The following ZC3H12A variants were observed in gnomAD, a reference collection of about 807,000 sequenced individuals.
The protein encoded by ZC3H12A is zinc finger CCCH-type containing 12A, also known as endoribonuclease ZC3H12A.
Under a neutral mutation model 29.9 loss-of-function variants are expected in ZC3H12A, and 9 were observed. That is an observed-to-expected ratio of 0.30 (90% CI 0.18 to 0.53). The LOEUF (loss-of-function observed/expected upper bound fraction) is 0.53. Ranked by LOEUF, ZC3H12A falls within the 20% of genes least tolerant of loss-of-function variation. The probability of loss-of-function intolerance (pLI) is 0.96; values close to 1 mark genes in which losing one functional copy is unlikely to be tolerated. For missense variants in ZC3H12A, 617 were observed against 799.0 expected (o/e 0.77, Z 2.75); for synonymous variants, 323 against 338.1 (o/e 0.96, Z 0.49).
Position 37,483,078 on chromosome 1 carries a change from C to A in ZC3H12A, c.1267C>A (p.Gln423Lys). The A allele has an allele frequency of 6.2e-7, 1 of 1,610,730 alleles. No individual in the cohort carries two copies. Among genetic ancestry groups the A allele is most frequent in the Non-Finnish European group, 8.5e-7 (1 of 1,178,856 alleles). ...CTTTGGGCCCACAGACTGGCTCCCA[C>A]AGACGCTGGACTCACTCCCGTACGT... The part of the protein sequence containing the change: ...SSFGPTDWLP[Q>K]TLDSLPYVSQ... Residue 423 changes from glutamine to lysine, a missense_variant, in exon 6 of 6, where the codon CAG becomes AAG. By Grantham distance (53) the Gln-to-Lys change is moderately conservative. Coordinates refer to ENST00000373087, the MANE Select transcript of ZC3H12A (RefSeq NM_025079.3).
rs1041431862 is a variant in ZC3H12A at position 37,478,405 on chromosome 1, T to G, written c.444-1885T>G. On this transcript the variant is annotated intron_variant, in intron 2 of 5. Transcript: ENST00000373087. The surrounding 1 kb of genome is among the most constrained non-coding windows in gnomAD (Gnocchi z 5.2). ...CCCAAATAAATTCTGGATCTTCTGTTAGAGACAGGAAGGCAACCGAGTGGC... is the reference window on the plus strand; with the variant it reads ...CCCAAATAAATTCTGGATCTTCTGTGAGAGACAGGAAGGCAACCGAGTGGC... Among the ~76,000 whole-genome samples, 7 of 152,220 alleles carry G rather than the reference T, an allele frequency of 4.6e-5. No homozygotes were observed. Among genetic ancestry groups the G allele is most frequent in the African/African-American group, 1.4e-4 (6 of 41,456 alleles).
Position 37,479,245 on chromosome 1 carries a change from CATCCCTCAGGA to C in ZC3H12A, c.444-1043_444-1033del. The C allele has an allele frequency of 1.0e-6, 1 of 985,360 alleles. No homozygotes were observed. Among genetic ancestry groups the C allele is most frequent in the Non-Finnish European group, 1.2e-6 (1 of 829,914 alleles). 61.0% of individuals were successfully genotyped at this position (985,360 alleles called of 1,614,324 possible). On this transcript the variant is annotated intron_variant, in intron 2 of 5. Transcript: ENST00000373087. This position sits in a 1 kb window ranked among gnomAD's most constrained non-coding sequence, Gnocchi z 4.5. ...CTGGGAGCCCCAAGCCCCAGTCCCC[CATCCCTCAGGA>C]AATCCAGTTGGAACCCCTACTTTGC...
chr1:37,475,474 G>C lies in ZC3H12A; in HGVS notation c.-23G>C, dbSNP rs748326879. ...GGTTGTTCAGTAGGAGCTGTGGCGCGGGGCCTTCCAGGAGTCTGAGCTATG... is the reference window on the plus strand; with the variant it reads ...GGTTGTTCAGTAGGAGCTGTGGCGCCGGGCCTTCCAGGAGTCTGAGCTATG... On this transcript the variant is annotated 5_prime_UTR_variant, in exon 2 of 6. Coordinates refer to ENST00000373087, the MANE Select transcript of ZC3H12A (RefSeq NM_025079.3). The surrounding 1 kb of genome is among the most constrained non-coding windows in gnomAD (Gnocchi z 5.2). 1 of 1,577,290 alleles carries C rather than the reference G, an allele frequency of 6.3e-7. No individual in the cohort carries two copies. Among genetic ancestry groups the C allele is most frequent in the Non-Finnish European group, 8.6e-7 (1 of 1,160,390 alleles).
intron 3 of ZC3H12A, 124 bp from the exon 4 acceptor site, chr1:37,481,476 GT>G: frequency 1.1e-6 from 1 of 877,412 alleles, no homozygotes; most frequent in South Asian, 1.6e-5. Context: ...AGCAGAGTTA[GT>G]TCTTGCCCCG....
At position 37,475,444 on chromosome 1, in the gene ZC3H12A, C is replaced by T; in HGVS notation, c.-38-15C>T. On this transcript the variant is annotated splice_polypyrimidine_tract_variant and intron_variant, in intron 1 of 5. Transcript: ENST00000373087. The surrounding 1 kb of genome is among the most constrained non-coding windows in gnomAD (Gnocchi z 5.2). ...AGAGCGCTATTCACCGTCCCTAACC[C>T]TGTTGGTTGTTCAGTAGGAGCTGTG... 6.5e-7 allele frequency: 1 copy of T among 1,544,896 alleles called. No individual in the cohort carries two copies. Among genetic ancestry groups the T allele is most frequent in the South Asian group, 1.2e-5 (1 of 81,560 alleles).
chr1:37,483,289 C>T lies in ZC3H12A; in HGVS notation c.1478C>T (p.Ala493Val). The change falls in exon 6 of 6, where the codon GCT becomes GTT. Residue 493 changes from alanine to valine, a missense_variant. This residue lies in a region of ZC3H12A where 172 missense variants were observed against 203.1 expected (regional missense o/e 0.85). Coordinates refer to ENST00000373087, the MANE Select transcript of ZC3H12A (RefSeq NM_025079.3). ...AFSAFGRAMG[A>V]GHFSVPADYP... Reference sequence around the variant, plus strand: ...TCTGCCTTTGGCCGGGCCATGGGTGCTGGCCACTTCAGTGTCCCTGCCGAC... The same window carrying T: ...TCTGCCTTTGGCCGGGCCATGGGTGTTGGCCACTTCAGTGTCCCTGCCGAC... The T allele has an allele frequency of 6.2e-7, 1 of 1,614,088 alleles. No homozygotes were observed. Among genetic ancestry groups the T allele is most frequent in the African/African-American group, 1.3e-5 (1 of 75,048 alleles).
At chr1:37,474,843 G>T (rs545289092) in intron 1 of ZC3H12A, among the ~76,000 whole-genome samples, 1 of 152,286 alleles carries the variant, frequency 6.6e-6, no homozygotes, top group South Asian at 2.1e-4. Flanking sequence ...AGAGCACCAG[G>T]TTCCTGATCG....
rs1289591571 is a variant in ZC3H12A at position 37,483,677 on chromosome 1, A to G, written c.*66A>G. ...GGGCCGTCAGGCTGGGCTTTGGGCCATTGAGCAGCCCATTCCCAGCCCTGA... is the reference window on the plus strand; with the variant it reads ...GGGCCGTCAGGCTGGGCTTTGGGCCGTTGAGCAGCCCATTCCCAGCCCTGA... On this transcript the variant is annotated 3_prime_UTR_variant, in exon 6 of 6. Coordinates refer to ENST00000373087, the MANE Select transcript of ZC3H12A (RefSeq NM_025079.3). 6.7e-7 allele frequency: 1 copy of G among 1,487,880 alleles called. No homozygotes were observed. The highest frequency in any genetic ancestry group is 8.9e-7 in the Non-Finnish European group (1 of 1,118,288). 92.2% of individuals were successfully genotyped at this position (1,487,880 alleles called of 1,614,324 possible).
Position 37,479,550 on chromosome 1 carries a change from G to A in ZC3H12A, c.444-740G>A. 6 of 985,424 alleles carry A rather than the reference G, an allele frequency of 6.1e-6. No individual in the cohort carries two copies. The highest frequency in any genetic ancestry group is 7.2e-6 in the Non-Finnish European group (6 of 829,938). 61.0% of individuals were successfully genotyped at this position (985,424 alleles called of 1,614,324 possible). A position where few individuals can be genotyped will look rare whatever the true frequency, so the allele number is the denominator to read the frequency against. On this transcript the variant is annotated intron_variant, in intron 2 of 5. Transcript: ENST00000373087. The surrounding 1 kb of genome is among the most constrained non-coding windows in gnomAD (Gnocchi z 4.5). ...GATGGTCTTTCTGCCTTGGGGTGAA[G>A]AGGCATTTGGGGGAATTGCCATCTT... is the stretch of plus-strand genomic sequence containing the variant.
chr1:37,484,253 C>G lies in ZC3H12A; in HGVS notation c.*642C>G, dbSNP rs945680781. On this transcript the variant is annotated 3_prime_UTR_variant, in exon 6 of 6. Transcript: ENST00000373087. ...CATCCTTTATTCAGAGTCATCTCGCCCTTCCCCATGGGTGGGGGAACCTGT... is the reference window on the plus strand; with the variant it reads ...CATCCTTTATTCAGAGTCATCTCGCGCTTCCCCATGGGTGGGGGAACCTGT... The G allele has an allele frequency of 2.0e-5, 3 of 152,286 alleles. No individual in the cohort carries two copies. The highest frequency in any genetic ancestry group is 7.2e-5 in the African/African-American group (3 of 41,414). The allele number at this position is 152,286 out of a possible 1,614,324, so 9.4% of individuals were successfully genotyped here.
At chr1:37,481,481 T>C in intron 3 of ZC3H12A, 120 bp from the exon 4 acceptor site, 1 of 913,646 alleles carries the variant, frequency 1.1e-6, no homozygotes, top group Non-Finnish European at 1.7e-6. Context: ...AGTTAGTTCT[T>C]GCCCCGGTGA....
At position 37,482,593 on chromosome 1, in the gene ZC3H12A, C is replaced by T. The variant is rs1274480047; in HGVS notation, c.925+53C>T. The T allele has an allele frequency of 3.1e-6, 5 of 1,609,572 alleles. No homozygotes were observed. The South Asian group carries it at 5.5e-5, about 18-fold the overall frequency. On this transcript the variant is annotated intron_variant, in intron 5 of 5. Coordinates refer to ENST00000373087, the MANE Select transcript of ZC3H12A (RefSeq NM_025079.3). ...CCCTCCTCACTCCTGCCCTTCCTCT[C>T]ACCTGTCTGCCTGTGCCCTGTTTTC...
Position 37,478,621 on chromosome 1 carries a change from G to T in ZC3H12A, c.444-1669G>T, listed in dbSNP as rs972762502. Among the ~76,000 whole-genome samples the T allele has an allele frequency of 6.6e-6, 1 of 152,158 alleles. No homozygotes were observed. Among genetic ancestry groups the T allele is most frequent in the South Asian group, 2.1e-4 (1 of 4,826 alleles). On this transcript the variant is annotated intron_variant, in intron 2 of 5. Coordinates refer to ENST00000373087, the MANE Select transcript of ZC3H12A (RefSeq NM_025079.3). The surrounding 1 kb of genome is among the most constrained non-coding windows in gnomAD (Gnocchi z 5.2). ...CCTTCGTACCTGCCTGAGCATTGACGTACAGGGTAGTGATAAGCATAGGCC... is the reference window on the plus strand; with the variant it reads ...CCTTCGTACCTGCCTGAGCATTGACTTACAGGGTAGTGATAAGCATAGGCC...
intron 3 of ZC3H12A, 60 bp from the exon 4 acceptor site, chr1:37,481,541 C>T: frequency 1.3e-6 from 2 of 1,566,796 alleles, no homozygotes; most frequent in Non-Finnish European, 1.8e-6. Context: ...TTAGGGAGCC[C>T]TGTAGGCCTG....
Position 37,483,238 on chromosome 1 carries a change from C to A in ZC3H12A, c.1427C>A (p.Ser476Tyr). 1.2e-6 allele frequency: 2 copies of A among 1,613,882 alleles called. No homozygotes were observed. The highest frequency in any genetic ancestry group is 1.7e-6 in the Non-Finnish European group (2 of 1,179,952). Residue 476 changes from serine to tyrosine, a missense_variant, in exon 6 of 6, where the codon TCT (serine) becomes TAT (tyrosine). Ser to Tyr is a moderately radical substitution (Grantham distance 144). Around this residue, in one of 5 missense-constraint regions of ZC3H12A, gnomAD observed 172 missense variants for 203.1 expected, o/e 0.85. Transcript: ENST00000373087. ...APYTGYSPYG[S>Y]ELPATAAFSA... Reference sequence around the variant, plus strand: ...TACACGGGCTACAGTCCCTATGGATCTGAGCTCCCAGCCACCGCAGCCTTC... The same window carrying A: ...TACACGGGCTACAGTCCCTATGGATATGAGCTCCCAGCCACCGCAGCCTTC...
rs904754403 is a variant in ZC3H12A, at chr1:37,479,032, A to G, written c.444-1258A>G. The G allele has an allele frequency of 2.3e-5, 23 of 984,702 alleles. No homozygotes were observed. The highest frequency in any genetic ancestry group is 1.0e-3 in the Middle Eastern group (2 of 1,936). 61.0% of individuals were successfully genotyped at this position (984,702 alleles called of 1,614,324 possible). On this transcript the variant is annotated intron_variant, in intron 2 of 5. Coordinates refer to ENST00000373087, the MANE Select transcript of ZC3H12A (RefSeq NM_025079.3). This position sits in a 1 kb window ranked among gnomAD's most constrained non-coding sequence, Gnocchi z 4.5. The stretch of plus-strand genomic sequence containing the variant: ...CCTAGCTTCTCTTAGGGCTCCAGCT[A>G]TCACCCCTTACCTCCCCCACTCCCA...
chr1:37,479,957 C>T lies in ZC3H12A; in HGVS notation c.444-333C>T, dbSNP rs111384232. ...TGCAAGTGGCCTGGCCCTCCCCCAC[C>T]GTGGGGAGCAGTGCTGCCAGCTTCC... On this transcript the variant is annotated intron_variant, in intron 2 of 5. Transcript: ENST00000373087. This position sits in a 1 kb window ranked among gnomAD's most constrained non-coding sequence, Gnocchi z 4.5. 4.2e-5 allele frequency: 45 copies of T among 1,072,804 alleles called. 1 individual carries two copies. The East Asian group carries it at 2.2e-3, about 51-fold the overall frequency. The allele number at this position is 1,072,804 out of a possible 1,614,324, so 66.5% of individuals were successfully genotyped here. A position where few individuals can be genotyped will look rare whatever the true frequency, so the allele number is the denominator to read the frequency against.
chr1:37,478,716 C>T lies in ZC3H12A; in HGVS notation c.444-1574C>T. 2.0e-6 allele frequency: 1 copy of T among 493,034 alleles called. No individual in the cohort carries two copies. The highest frequency in any genetic ancestry group is 2.6e-6 in the Non-Finnish European group (1 of 379,860). The allele number at this position is 493,034 out of a possible 1,614,324, so 30.5% of individuals were successfully genotyped here. ...GGTGACTAAGCTGCCTTCTCTGGAC[C>T]ACAGTTTTCATCTGAAAAACAGGGA... On this transcript the variant is annotated intron_variant, in intron 2 of 5. Coordinates refer to ENST00000373087, the MANE Select transcript of ZC3H12A (RefSeq NM_025079.3). The surrounding 1 kb of genome is among the most constrained non-coding windows in gnomAD (Gnocchi z 5.2).
In ZC3H12A at chr1:37,479,833, AGTGTGCAT is replaced by A; in HGVS notation, c.444-452_444-445del. On this transcript the variant is annotated intron_variant, in intron 2 of 5. Coordinates refer to ENST00000373087, the MANE Select transcript of ZC3H12A (RefSeq NM_025079.3). The surrounding 1 kb of genome is among the most constrained non-coding windows in gnomAD (Gnocchi z 4.5). The stretch of plus-strand genomic sequence containing the variant: ...AGAGGCGAGGGAGGGGTGGTGACTC[AGTGTGCAT>A]GTGTACATCTGTCCCTGTGGTCCCG... 1 of 985,296 alleles carries A rather than the reference AGTGTGCAT, an allele frequency of 1.0e-6. No homozygotes were observed. The highest frequency in any genetic ancestry group is 1.2e-6 in the Non-Finnish European group (1 of 829,884). 61.0% of individuals were successfully genotyped at this position (985,296 alleles called of 1,614,324 possible).
Sources: allele counts gnomAD v4.1 joint callset (sites outside exome capture counted in the v4.1 genomes callset), GRCh38; gene constraint gnomAD v4.1.1; regional missense constraint gnomAD v4.1.1; non-coding constraint Gnocchi (gnomAD v3.1); transcripts MANE v1.5; gene names NCBI Gene and HGNC (gene_info 2026-07-23, HGNC 2026-07-21).